The following RBFOX1 variants were observed in gnomAD, a reference collection of about 807,000 sequenced individuals.
RBFOX1 encodes the protein RNA binding fox-1 homolog 1.
RBFOX1 carries 8 observed loss-of-function variants against 57.7 expected under a neutral mutation model. The observed-to-expected ratio is 0.14, with a 90% confidence interval of 0.08 to 0.25. The LOEUF (loss-of-function observed/expected upper bound fraction) is 0.25, where lower values mean the gene tolerates loss of function less well. Ranked by LOEUF, RBFOX1 falls within the 10% of genes least tolerant of loss-of-function variation. The pLI, the probability that RBFOX1 is intolerant of heterozygous loss-of-function variation, is 1.00. For synonymous variants in RBFOX1, 326 were observed against 222.4 expected (o/e 1.47, Z -4.15); for missense variants, 611 against 548.5 (o/e 1.11, Z -1.14).
At chr16:5,971,572 A>G (rs1327861222) in intron 4 of RBFOX1, among the ~76,000 whole-genome samples, 2 of 152,238 alleles carry the variant, frequency 1.3e-5, no homozygotes, top group Non-Finnish European at 2.9e-5. Context: ...AAATCCTGCT[A>G]ATGCACTAGC....
chr16:5,442,951 A>G (rs634363), intron 1 of RBFOX1, among the ~76,000 whole-genome samples: 89,067 of 151,926 alleles, frequency 0.59, 26,305 homozygotes, highest in Middle Eastern at 0.71. Context: ...AGAAGAAGAC[A>G]CAGACACAGG....
chr16:6,895,448 G>GTGTATATATATATATATA (rs869028735), intron 3 of RBFOX1, among the ~76,000 whole-genome samples: 1 of 54,612 alleles, frequency 1.8e-5, no homozygotes, highest in Non-Finnish European at 3.3e-5. Context: ...GTGTGTGTGT[G>GTGTATATATATATATATA]TATATATATA....
chr16:6,538,277 C>A (rs866417478), intron 2 of RBFOX1, among the ~76,000 whole-genome samples: 1 of 152,076 alleles, frequency 6.6e-6, no homozygotes, highest in Non-Finnish European at 1.5e-5. Flanking sequence ...AGTCCTTGAA[C>A]ACAAGAGTTT....
chr16:6,935,117 G>T (rs889134050), intron 3 of RBFOX1, among the ~76,000 whole-genome samples: 1 of 152,010 alleles, frequency 6.6e-6, no homozygotes, highest in South Asian at 2.1e-4. Flanking sequence ...AGAAAAAACA[G>T]CTTATTTAAC....
At chr16:7,107,543 T>C (rs182307757) in intron 4 of RBFOX1, among the ~76,000 whole-genome samples, 1 of 152,214 alleles carries the variant, frequency 6.6e-6, no homozygotes, top group East Asian at 1.9e-4. Flanking sequence ...CTTCTGTGCA[T>C]ACCTGACAAA....
intron 3 of RBFOX1, among the ~76,000 whole-genome samples, chr16:5,798,409 T>G (rs2054948739): frequency 6.6e-6 from 1 of 152,212 alleles, no homozygotes; most frequent in Non-Finnish European, 1.5e-5. Context: ...TTGAGCTTTG[T>G]TCTAAAGGAT....
intron 2 of RBFOX1, among the ~76,000 whole-genome samples, chr16:5,484,257 A>G (rs2069648616): frequency 3.3e-5 from 5 of 152,218 alleles, no homozygotes. Context: ...CAATTCACCC[A>G]TGAATCTGGC....
chr16:5,598,928 C>T lies in RBFOX1; in HGVS notation c.285C>T (p.Leu95=), dbSNP rs907163355. The T allele has an allele frequency of 1.4e-5, 21 of 1,531,730 alleles. No individual in the cohort carries two copies. In the African/African-American group the frequency reaches 2.2e-4, roughly 16 times the overall value. The allele number at this position is 1,531,730 out of a possible 1,614,324, so 94.9% of individuals were successfully genotyped here. A position where few individuals can be genotyped will look rare whatever the true frequency, so the allele number is the denominator to read the frequency against. ...ACTACAAGTCTGAAAATTCAACCCT[C>T]CTCCCCGGTGCCAAGAACAGCCTGC... Residue 95 remains leucine (L), a synonymous_variant, in exon 3 of 3, where the codon CTC becomes CTT. Coordinates refer to the RBFOX1 transcript ENST00000585867.
intron 3 of RBFOX1, among the ~76,000 whole-genome samples, chr16:7,002,242 A>C (rs1459171995): frequency 1.3e-5 from 2 of 152,188 alleles, no homozygotes; most frequent in Non-Finnish European, 2.9e-5. Flanking sequence ...CCCTGGATAC[A>C]GCGGTGCATG....
At chr16:6,732,640 A>G (rs1218206830) in intron 3 of RBFOX1, among the ~76,000 whole-genome samples, 1 of 152,246 alleles carries the variant, frequency 6.6e-6, no homozygotes, top group Non-Finnish European at 1.5e-5. Context: ...GGACAGTGAC[A>G]TTGGAGAGAA....
intron 4 of RBFOX1, among the ~76,000 whole-genome samples, chr16:7,340,572 G>A (rs1054941005): frequency 6.6e-6 from 1 of 152,136 alleles, no homozygotes; most frequent in African/African-American, 2.4e-5. Context: ...GTCCAACCAG[G>A]ACATCCAACA....
intron 3 of RBFOX1, among the ~76,000 whole-genome samples, chr16:6,877,581 T>C (rs1001219446): frequency 4.6e-5 from 7 of 152,166 alleles, no homozygotes; most frequent in African/African-American, 1.7e-4. Context: ...GAGTCTTGTG[T>C]GTGTGCAACA....
chr16:7,414,147 G>T (rs928775478), intron 4 of RBFOX1, among the ~76,000 whole-genome samples: 2 of 152,164 alleles, frequency 1.3e-5, no homozygotes, highest in African/African-American at 4.8e-5. Flanking sequence ...CCATTCATTC[G>T]TTCTTCACTT....
chr16:5,736,044 C>T (rs1021252195), intron 3 of RBFOX1, among the ~76,000 whole-genome samples: 2 of 152,098 alleles, frequency 1.3e-5, no homozygotes, highest in East Asian at 1.9e-4. Context: ...CGGTGACATG[C>T]TGACCTTAGA....
At chr16:6,445,988 A>G (rs934963911) in intron 2 of RBFOX1, among the ~76,000 whole-genome samples, 1 of 151,726 alleles carries the variant, frequency 6.6e-6, no homozygotes, top group Non-Finnish European at 1.5e-5. Flanking sequence ...TTTTAGGGAT[A>G]GGGTCTCTGT....
chr16:6,596,803 C>A (rs1447944284), intron 2 of RBFOX1, among the ~76,000 whole-genome samples: 3 of 152,138 alleles, frequency 2.0e-5, no homozygotes, highest in Non-Finnish European at 4.4e-5. Context: ...CACAAATGTA[C>A]CCTGGTGGAT....
rs536391959 is a variant in RBFOX1 at position 5,986,832 on chromosome 16, A to T, written c.351+119497A>T. Among the ~76,000 whole-genome samples the T allele has an allele frequency of 6.6e-5, 10 of 152,286 alleles. No individual in the cohort carries two copies. In the South Asian group the frequency reaches 1.5e-3, roughly 22 times the overall value. Reference sequence around the variant, plus strand: ...TACTGTGAGTGAAGTTGCTGTAAACATTGGTGTACAGGGTGTTGTGTGAAT... The same window carrying T: ...TACTGTGAGTGAAGTTGCTGTAAACTTTGGTGTACAGGGTGTTGTGTGAAT... On this transcript the variant is annotated intron_variant, in intron 4 of 19. Coordinates refer to the RBFOX1 transcript ENST00000641259.
intron 1 of RBFOX1, among the ~76,000 whole-genome samples, chr16:5,430,090 C>G (rs963859685): frequency 6.6e-6 from 1 of 152,196 alleles, no homozygotes; most frequent in Non-Finnish European, 1.5e-5. Flanking sequence ...ATTTATTGAG[C>G]TCCTCTGACA....
intron 3 of RBFOX1, among the ~76,000 whole-genome samples, chr16:5,693,385 A>G (rs925854136): frequency 8.5e-5 from 13 of 152,184 alleles, no homozygotes; most frequent in African/African-American, 3.1e-4. Flanking sequence ...AAACAAAAAC[A>G]AAATATCTGA....
Sources: gnomAD v4.1 joint callset for allele counts (sites outside exome capture counted in the v4.1 genomes callset) on GRCh38, gnomAD v4.1.1 for gene constraint, MANE v1.5 for transcripts, NCBI Gene and HGNC (gene_info 2026-07-23, HGNC 2026-07-21) for gene names.